Variants in F5 observed in about 807,000 individuals in gnomAD.
F5 encodes coagulation factor V, also known as activated protein c cofactor.
F5 carries 138 observed loss-of-function variants against 216.4 expected under a neutral mutation model. That is an observed-to-expected ratio of 0.64 (90% CI 0.56 to 0.73). F5 has a LOEUF of 0.73. Among genes scored for constraint, F5 ranks in the 30% least tolerant of loss-of-function variants. F5 has a pLI of 0.00. For missense variants in F5, 2,403 were observed against 2,674.0 expected, an observed-to-expected ratio of 0.90 and a Z score of 2.24; for synonymous variants, 916 against 930.7, an observed-to-expected ratio of 0.98 and a Z score of 0.29.
At position 169,540,414 on chromosome 1, in the gene F5, T is replaced by G. The variant is rs201931929; in HGVS notation, c.4676A>C (p.Asn1559Thr). Residue 1559 changes from asparagine to threonine, a missense_variant, in exon 13 of 25, where the codon AAC becomes ACC. Asn to Thr is a moderately conservative substitution (Grantham distance 65). This residue lies in a region of F5 where 293 missense variants were observed against 270.8 expected (regional missense o/e 1.08). Coordinates refer to ENST00000367797, the MANE Select transcript of F5 (RefSeq NM_000130.5). The stretch of plus-strand genomic sequence containing the variant: ...AATGTTGTCAGGATCTCTGGAGGAG[T>G]TGATGTTTGTCCTAACATCAGTTTT... ...PYKTDVRTNINSSRDPDNIAA... is the reference protein window; with the variant it reads ...PYKTDVRTNITSSRDPDNIAA... 6 of 1,613,936 alleles carry G rather than the reference T, an allele frequency of 3.7e-6. No homozygotes were observed. In the South Asian group the frequency reaches 4.4e-5, roughly 12 times the overall value.
At chr1:169,548,409 A>G (rs1214836918) in intron 10 of F5, among the ~76,000 whole-genome samples, 1 of 152,210 alleles carries the variant, frequency 6.6e-6, no homozygotes, top group Non-Finnish European at 1.5e-5. Context: ...GCAGCAAATT[A>G]TCTACACCAC....
Position 169,512,346 on chromosome 1 carries a change from C to G in F5, c.*1967G>C, listed in dbSNP as rs1659045098. Among the ~76,000 whole-genome samples the G allele has an allele frequency of 6.6e-6, 1 of 151,926 alleles. No homozygotes were observed. The highest frequency in any genetic ancestry group is 6.6e-5 in the Admixed American group (1 of 15,202). The stretch of plus-strand genomic sequence containing the variant: ...ATTATTTCATAAGATTTTCTTGCCC[C>G]TATTATGCCTTAGTAAATTCTAGAT... On this transcript the variant is annotated 3_prime_UTR_variant, in exon 25 of 25. Transcript: ENST00000367797.
At chr1:169,523,592 TTTG>T (rs1021284539) in intron 20 of F5, among the ~76,000 whole-genome samples, 2 of 152,186 alleles carry the variant, frequency 1.3e-5, no homozygotes, top group African/African-American at 4.8e-5. Context: ...CTCTGTGCCT[TTTG>T]TTTTTTAATC....
At chr1:169,539,022 G>T (rs775225483) in intron 13 of F5, among the ~76,000 whole-genome samples, 30 of 151,990 alleles carry the variant, frequency 2.0e-4, no homozygotes, top group Non-Finnish European at 3.5e-4. Context: ...TTTTATTTTT[G>T]TTCCAAAATA....
Position 169,520,550 on chromosome 1 carries a change from G to T in F5, c.6163C>A (p.Arg2055=). ...PTRAYNRPTL[R]LELQGCEVNG... is the part of the protein sequence containing the mutation. ...ACCTCACAACCTTGCAGTTCCAATCGAAGGGTAGGTCTGTTATAGGCTCGA... is the reference window on the plus strand; with the variant it reads ...ACCTCACAACCTTGCAGTTCCAATCTAAGGGTAGGTCTGTTATAGGCTCGA... The change falls in exon 22 of 25, where the codon CGA becomes AGA. Residue 2055 remains arginine, a synonymous_variant. Coordinates refer to ENST00000367797, the MANE Select transcript of F5 (RefSeq NM_000130.5). 6.2e-7 allele frequency: 1 copy of T among 1,613,940 alleles called. No individual in the cohort carries two copies. The highest frequency in any genetic ancestry group is 8.5e-7 in the Non-Finnish European group (1 of 1,179,926).
chr1:169,533,687 A>G (rs926664854), intron 14 of F5, among the ~76,000 whole-genome samples: 1 of 152,184 alleles, frequency 6.6e-6, no homozygotes, highest in Non-Finnish European at 1.5e-5. Flanking sequence ...AATCAATACC[A>G]CAGTGAAATA....
intron 6 of F5, among the ~76,000 whole-genome samples, chr1:169,556,425 T>TAAAAAAAAAAAAAAAGAAAAAAAAAAAAA (rs1660328199): frequency 1.7e-5 from 1 of 58,906 alleles, no homozygotes; most frequent in African/African-American, 8.9e-5. Context: ...TTTGCTTAAT[T>TAAAAAAAAAAAAAAAGAAAAAAAAAAAAA]AAAAAAAAAA....
At chr1:169,552,765 C>G in intron 7 of F5, 31 bp from the exon 8 acceptor site, 1 of 1,529,100 alleles carries the variant, frequency 6.5e-7, no homozygotes, top group East Asian at 2.3e-5. Context: ...AATTAAACCA[C>G]TTTCTCAAAT....
At chr1:169,523,060 T>C (rs1659348806) in intron 21 of F5, 137 bp downstream of exon 21, 1 of 913,998 alleles carries the variant, frequency 1.1e-6, no homozygotes, top group South Asian at 1.4e-5. Context: ...CTTTTCTCCA[T>C]ATGACCCTTA....
At chr1:169,552,764 A>T (rs374957022) in intron 7 of F5, 30 bp from the exon 8 acceptor site, 18 of 1,528,194 alleles carry the variant, frequency 1.2e-5, no homozygotes, top group Non-Finnish European at 1.5e-5. Context: ...AAATTAAACC[A>T]CTTTCTCAAA....
chr1:169,515,376 A>G (rs1659134166), intron 24 of F5, 68 bp downstream of exon 24: 2 of 1,575,560 alleles, frequency 1.3e-6, no homozygotes, highest in Admixed American at 1.7e-5. Context: ...TGTCAAATGC[A>G]AAATACTGTT....
intron 14 of F5, among the ~76,000 whole-genome samples, chr1:169,534,412 A>G (rs12042044): frequency 6.6e-6 from 1 of 152,146 alleles, no homozygotes; most frequent in African/African-American, 2.4e-5. Flanking sequence ...TCATGCCTGT[A>G]ATCCCAGCAC....
chr1:169,533,781 T>A (rs1659641770), intron 14 of F5, among the ~76,000 whole-genome samples: 1 of 152,148 alleles, frequency 6.6e-6, no homozygotes, highest in African/African-American at 2.4e-5. Context: ...GGAATGCTTA[T>A]ACACTGCTGC....
At position 169,513,482 on chromosome 1, in the gene F5, C is replaced by CT. The variant is rs563251782; in HGVS notation, c.*830dup. Among the ~76,000 whole-genome samples the CT allele has an allele frequency of 2.0e-5, 3 of 152,246 alleles. No homozygotes were observed. The highest frequency in any genetic ancestry group is 6.8e-3 in the Middle Eastern group (2 of 294). On this transcript the variant is annotated 3_prime_UTR_variant, in exon 25 of 25. Coordinates refer to ENST00000367797, the MANE Select transcript of F5 (RefSeq NM_000130.5). ...TAGAGAGGAAGGCCCTGAAAGAAAA[C>CT]TTTAACTGCTTGCCAGTTTGGCCAG...
chr1:169,557,650 C>G (rs1288708575), intron 5 of F5, among the ~76,000 whole-genome samples: 1 of 151,842 alleles, frequency 6.6e-6, no homozygotes, highest in Admixed American at 6.6e-5. Context: ...AGACTCCATC[C>G]TTGGCTTTTA....
At chr1:169,533,723 A>G (rs148484881) in intron 14 of F5, among the ~76,000 whole-genome samples, 319 of 152,322 alleles carry the variant, frequency 2.1e-3, no homozygotes, top group African/African-American at 7.1e-3. Context: ...CAGAATGGCT[A>G]TTAGTACAAA....
In F5 at chr1:169,578,239, C is replaced by T. The variant is rs112822442; in HGVS notation, c.250+4192G>A. Among the ~76,000 whole-genome samples, 552 of 152,274 alleles carry T rather than the reference C, an allele frequency of 3.6e-3. 4 individuals carry two copies. The highest frequency in any genetic ancestry group is 0.012 in the African/African-American group (515 of 41,546). On this transcript the variant is annotated intron_variant, in intron 2 of 24. Coordinates refer to ENST00000367797, the MANE Select transcript of F5 (RefSeq NM_000130.5). ...AAAATGGACGTCGAAACACCTTTGT[C>T]CACATGAAACAAATATATTCTGAGA...
At chr1:169,569,188 A>T (rs9332543) in intron 3 of F5, among the ~76,000 whole-genome samples, 1 of 152,090 alleles carries the variant, frequency 6.6e-6, no homozygotes, top group Non-Finnish European at 1.5e-5. Flanking sequence ...GAAGTGAAAA[A>T]ATGTAATCAC....
At chr1:169,522,148 T>C (rs893482539) in intron 21 of F5, among the ~76,000 whole-genome samples, 1 of 152,048 alleles carries the variant, frequency 6.6e-6, no homozygotes, top group African/African-American at 2.4e-5. Flanking sequence ...CATAGATAAT[T>C]TTAATAGCCC....
Sources: allele counts gnomAD v4.1 joint callset (sites outside exome capture counted in the v4.1 genomes callset), GRCh38; gene constraint gnomAD v4.1.1; regional missense constraint gnomAD v4.1.1; transcripts MANE v1.5; gene names NCBI Gene and HGNC (gene_info 2026-07-23, HGNC 2026-07-21).